CBLB: variants seen among roughly 807,000 people sequenced by gnomAD.
The protein encoded by CBLB is Cbl proto-oncogene B, also known as E3 ubiquitin-protein ligase CBL-B.
In CBLB, 31 loss-of-function variants were observed where a neutral mutation model predicts 104.9. The ratio of observed to expected loss-of-function variants is 0.30; its 90% CI spans 0.22 to 0.40. The LOEUF (loss-of-function observed/expected upper bound fraction) is 0.40. Ranked by LOEUF, CBLB falls within the 10% of genes least tolerant of loss-of-function variation. CBLB has a pLI of 1.00. For missense variants in CBLB, 1,062 were observed against 1,214.6 expected (o/e 0.87, Z 1.87); for synonymous variants, 440 against 422.6 (o/e 1.04, Z -0.51).
intron 2 of CBLB, among the ~76,000 whole-genome samples, chr3:105,855,679 G>T (rs2091513517): frequency 1.3e-5 from 2 of 152,270 alleles, no homozygotes; most frequent in East Asian, 1.9e-4. Context: ...AAAACTGGAA[G>T]TATATGCGGT....
intron 3 of CBLB, among the ~76,000 whole-genome samples, chr3:105,799,176 A>AT (rs552734493): frequency 0.14 from 19,788 of 141,910 alleles, 1,660 homozygotes; most frequent in Admixed American, 0.24. Context: ...ATGACAAAGA[A>AT]CAAAAAAAAA....
intron 3 of CBLB, among the ~76,000 whole-genome samples, chr3:105,794,537 T>TA (rs1196636253): frequency 1.3e-5 from 2 of 152,196 alleles, no homozygotes; most frequent in African/African-American, 2.4e-5. Flanking sequence ...CGATCTTACT[T>TA]ATAAAGGTGA....
At chr3:105,855,260 G>A (rs1265598617) in intron 2 of CBLB, among the ~76,000 whole-genome samples, 1 of 152,192 alleles carries the variant, frequency 6.6e-6, no homozygotes, top group South Asian at 2.1e-4. Context: ...CAGGGATGGG[G>A]AGGGGAAGAA....
intron 3 of CBLB, among the ~76,000 whole-genome samples, chr3:105,844,472 C>T (rs140047829): frequency 6.6e-5 from 10 of 152,294 alleles, no homozygotes; most frequent in African/African-American, 1.4e-4. Context: ...AATGTTTCCA[C>T]TGAACAACAG....
At chr3:105,869,274 G>A (rs1345087480), upstream of CBLB, 58 of 901,550 alleles carry the variant, frequency 6.4e-5, no homozygotes, top group Non-Finnish European at 8.8e-5. Context: ...GGACTCTCCC[G>A]GGAACGAAAG....
intron 10 of CBLB, among the ~76,000 whole-genome samples, chr3:105,712,051 A>C (rs533179693): frequency 2.0e-5 from 3 of 152,132 alleles, no homozygotes; most frequent in Non-Finnish European, 4.4e-5. Flanking sequence ...GGATAACCTT[A>C]AGGGCACTGC....
At chr3:105,803,571 G>A (rs1381184585) in intron 3 of CBLB, among the ~76,000 whole-genome samples, 1 of 152,160 alleles carries the variant, frequency 6.6e-6, no homozygotes, top group Non-Finnish European at 1.5e-5. Flanking sequence ...GGCACAGGGA[G>A]TTGTGGCTCA....
At chr3:105,838,098 T>TC (rs1491181209) in intron 3 of CBLB, among the ~76,000 whole-genome samples, 1 of 93,918 alleles carries the variant, frequency 1.1e-5, no homozygotes, top group Non-Finnish European at 2.4e-5. Context: ...TTTTTTTTTT[T>TC]CTGAGACACG....
At chr3:105,690,705 C>T (rs374726594) in intron 13 of CBLB, among the ~76,000 whole-genome samples, 76 of 151,944 alleles carry the variant, frequency 5.0e-4, no homozygotes, top group Middle Eastern at 3.4e-3. Flanking sequence ...GACTATAGTC[C>T]CAGCTACTTG....
intron 3 of CBLB, among the ~76,000 whole-genome samples, chr3:105,837,733 CATAA>C (rs2088785401): frequency 6.6e-6 from 1 of 152,114 alleles, no homozygotes; most frequent in Admixed American, 6.5e-5. Flanking sequence ...ATAATTAAAA[CATAA>C]ATAATAATGA....
chr3:105,661,885 T>A (rs777509732), intron 18 of CBLB, among the ~76,000 whole-genome samples: 7 of 152,088 alleles, frequency 4.6e-5, no homozygotes, highest in Admixed American at 3.9e-4. Flanking sequence ...GAGGAGACCA[T>A]TAAAAAGAAA....
chr3:105,737,462 A>G (rs996879664), intron 7 of CBLB, among the ~76,000 whole-genome samples: 16 of 152,148 alleles, frequency 1.1e-4, no homozygotes, highest in Admixed American at 2.6e-4. Context: ...TATAAGAAAT[A>G]CATAATGAAT....
intron 10 of CBLB, among the ~76,000 whole-genome samples, chr3:105,710,861 G>A (rs983033317): frequency 1.3e-5 from 2 of 151,582 alleles, no homozygotes; most frequent in African/African-American, 4.8e-5. Context: ...TAACTACCAC[G>A]AGGAACAGAG....
intron 4 of CBLB, among the ~76,000 whole-genome samples, chr3:105,775,695 T>A (rs749195054): frequency 1.3e-5 from 2 of 152,222 alleles, no homozygotes; most frequent in Non-Finnish European, 2.9e-5. Context: ...ACAAAAGTTT[T>A]GCAACTTTTA....
chr3:105,735,801 C>A (rs1219469459), intron 8 of CBLB, among the ~76,000 whole-genome samples: 1 of 151,990 alleles, frequency 6.6e-6, no homozygotes, highest in African/African-American at 2.4e-5. Flanking sequence ...CAAAAATTAG[C>A]CGGAAGTGGT....
At chr3:105,820,185 G>A (rs903296948) in intron 3 of CBLB, among the ~76,000 whole-genome samples, 1 of 152,084 alleles carries the variant, frequency 6.6e-6, no homozygotes, top group African/African-American at 2.4e-5. Context: ...GTTCACAATA[G>A]GGTTCACACT....
At chr3:105,759,787 C>A (rs911978770) in intron 4 of CBLB, among the ~76,000 whole-genome samples, 1 of 152,170 alleles carries the variant, frequency 6.6e-6, no homozygotes, top group African/African-American at 2.4e-5. Flanking sequence ...TAGGGATGCC[C>A]AGGTCCATAG....
At chr3:105,771,232 A>T (rs376352572) in intron 4 of CBLB, among the ~76,000 whole-genome samples, 102 of 152,202 alleles carry the variant, frequency 6.7e-4, no homozygotes, top group Non-Finnish European at 5.6e-4. Flanking sequence ...AGGACAGTTT[A>T]ACATATGTAA....
intron 4 of CBLB, among the ~76,000 whole-genome samples, chr3:105,761,121 C>T (rs1382389015): frequency 6.6e-6 from 1 of 152,192 alleles, no homozygotes; most frequent in Non-Finnish European, 1.5e-5. Flanking sequence ...CAACCTCGAC[C>T]TCCCAGGCTC....
Sources: allele counts gnomAD v4.1 joint callset (sites outside exome capture counted in the v4.1 genomes callset), GRCh38; gene constraint gnomAD v4.1.1; transcripts MANE v1.5; gene names NCBI Gene and HGNC (gene_info 2026-07-23, HGNC 2026-07-21).